Variants in EDDM13 observed in about 807,000 individuals in gnomAD.
EDDM13 encodes the protein epididymal protein 13.
In EDDM13, 24 loss-of-function variants were observed where a neutral mutation model predicts 17.8. The ratio of observed to expected loss-of-function variants is 1.35; its 90% CI spans 0.98 to 1.90. The LOEUF (loss-of-function observed/expected upper bound fraction) is 1.90, where lower values mean the gene tolerates loss of function less well. Among genes scored for constraint, EDDM13 ranks in the 40% most tolerant of loss-of-function variants. The pLI, the probability that EDDM13 is intolerant of heterozygous loss-of-function variation, is 0.00. For missense variants in EDDM13, 97 were observed against 100.8 expected, an observed-to-expected ratio of 0.96 and a Z score of 0.16; for synonymous variants, 31 against 37.5, an observed-to-expected ratio of 0.83 and a Z score of 0.63.
intron 1 of EDDM13, among the ~76,000 whole-genome samples, chr19:56,275,751 C>A (rs1042524869): frequency 1.3e-5 from 2 of 152,156 alleles, no homozygotes; most frequent in Non-Finnish European, 2.9e-5. Context: ...TACTCTTATA[C>A]CAGAACTTCT....
At chr19:56,302,551 C>T (rs1395932979) in intron 13 of EDDM13, among the ~76,000 whole-genome samples, 5 of 40,014 alleles carry the variant, frequency 1.2e-4, no homozygotes, top group Admixed American at 5.5e-4. Context: ...CCCCGTTCCT[C>T]CCTCCCTCCC....
chr19:56,305,911 G>A (rs571926939), intron 14 of EDDM13, among the ~76,000 whole-genome samples: 2 of 151,728 alleles, frequency 1.3e-5, no homozygotes, highest in African/African-American at 2.4e-5. Flanking sequence ...TGGCTTGTAC[G>A]AAGGCCCTGG....
chr19:56,300,057 G>A (rs1467421595), intron 12 of EDDM13: 2 of 152,146 alleles, frequency 1.3e-5, no homozygotes, highest in African/African-American at 2.4e-5. Context: ...TTGATTGGGA[G>A]GGTATATCTG....
At chr19:56,304,513 C>T (rs940007168) in intron 13 of EDDM13, among the ~76,000 whole-genome samples, 7 of 152,118 alleles carry the variant, frequency 4.6e-5, no homozygotes, top group Admixed American at 3.9e-4. Context: ...CAGGTCAAAA[C>T]GTCAGGAACC....
In EDDM13 at chr19:56,302,199, A is replaced by G. The variant is rs950917819; in HGVS notation, c.423+104A>G. 64 of 766,330 alleles carry G rather than the reference A, an allele frequency of 8.4e-5. 1 individual carries two copies. In the East Asian group the frequency reaches 2.0e-3, roughly 24 times the overall value. The allele number at this position is 766,330 out of a possible 1,614,324, so 47.5% of individuals were successfully genotyped here. On this transcript the variant is annotated intron_variant, in intron 13 of 14. Coordinates refer to ENST00000649256, the MANE Select transcript of EDDM13 (RefSeq NM_001354658.2). The stretch of plus-strand genomic sequence containing the variant: ...GAAGGAGGGTGCCTCAGAGGTGCCA[A>G]GCAGGAAGTGGTGGGAGAGCCCTTC...
chr19:56,297,214 G>T (rs1380589788), intron 11 of EDDM13, among the ~76,000 whole-genome samples: 1 of 152,132 alleles, frequency 6.6e-6, no homozygotes, highest in Non-Finnish European at 1.5e-5. Flanking sequence ...TGAGGCAGCT[G>T]AGTCCCTGGG....
At chr19:56,300,652 T>C (rs750764008) in intron 12 of EDDM13, among the ~76,000 whole-genome samples, 2 of 152,224 alleles carry the variant, frequency 1.3e-5, no homozygotes, top group Non-Finnish European at 2.9e-5. Context: ...CTAAAGTAAA[T>C]GCTCTAAGCA....
At chr19:56,295,789 A>G (rs1210857333) in intron 9 of EDDM13, 170 bp from the exon 10 acceptor site, 1 of 152,500 alleles carries the variant, frequency 6.6e-6, no homozygotes, top group Non-Finnish European at 1.5e-5. Flanking sequence ...CGACCCACCC[A>G]GGGCTCCGCT....
chr19:56,292,877 T>C (rs549351222), intron 9 of EDDM13, among the ~76,000 whole-genome samples: 13 of 152,350 alleles, frequency 8.5e-5, no homozygotes, highest in South Asian at 4.1e-4. Context: ...TTCAGCCACA[T>C]TGTGGCCTGT....
intron 12 of EDDM13, 159 bp from the exon 13 acceptor site, chr19:56,301,809 G>A: frequency 1.4e-6 from 1 of 730,680 alleles, no homozygotes; most frequent in Non-Finnish European, 1.9e-6. Flanking sequence ...CCAAGAAGGG[G>A]GAAGCTGGCA....
chr19:56,308,087 G>A (rs546617173), intron 14 of EDDM13, among the ~76,000 whole-genome samples: 20 of 152,256 alleles, frequency 1.3e-4, no homozygotes, highest in East Asian at 3.9e-4. Context: ...AGGCTGGAGC[G>A]CAGTGGCGCA....
chr19:56,276,833 G>A (rs1439387230), intron 2 of EDDM13, among the ~76,000 whole-genome samples: 2 of 151,874 alleles, frequency 1.3e-5, no homozygotes, highest in Non-Finnish European at 2.9e-5. Context: ...CACTGTGCCC[G>A]GCCAAAGGTT....
intron 13 of EDDM13, among the ~76,000 whole-genome samples, chr19:56,303,691 C>T (rs2040494024): frequency 6.6e-6 from 1 of 152,072 alleles, no homozygotes; most frequent in South Asian, 2.1e-4. Context: ...CCCCAGGGCT[C>T]CCATGTTTGG....
Position 56,298,840 on chromosome 19 carries a change from G to A in EDDM13, c.295+1309G>A, listed in dbSNP as rs57673844. On this transcript the variant is annotated intron_variant, in intron 12 of 14. Coordinates refer to ENST00000649256, the MANE Select transcript of EDDM13 (RefSeq NM_001354658.2). The stretch of plus-strand genomic sequence containing the variant: ...ATTAAAAACAGTCATTTCCCAACTC[G>A]GTTTTAGGACAGAATAACCTTGATA... 5.1e-3 allele frequency among the ~76,000 whole-genome samples: 781 copies of A among 152,136 alleles called. 9 individuals carry two copies. The highest frequency in any genetic ancestry group is 0.018 in the African/African-American group (737 of 41,500).
At chr19:56,279,831 T>C (rs1395767324) in intron 2 of EDDM13, among the ~76,000 whole-genome samples, 3 of 152,220 alleles carry the variant, frequency 2.0e-5, no homozygotes, top group Non-Finnish European at 2.9e-5. Flanking sequence ...TAAAATATTA[T>C]GCTGTTTTAA....
chr19:56,302,532 C>CCCCA (rs752555827), intron 13 of EDDM13, among the ~76,000 whole-genome samples: 3 of 26,678 alleles, frequency 1.1e-4, no homozygotes, highest in Non-Finnish European at 2.6e-4. Flanking sequence ...CTCCCTCCCT[C>CCCCA]TTCTTCCTCC....
intron 14 of EDDM13, among the ~76,000 whole-genome samples, chr19:56,307,227 CT>C (rs2040746609): frequency 6.6e-6 from 1 of 152,188 alleles, no homozygotes; most frequent in Admixed American, 6.5e-5. Flanking sequence ...CCCACGTCGC[CT>C]GCCTTTCATC....
intron 9 of EDDM13, among the ~76,000 whole-genome samples, chr19:56,294,770 T>C (rs1205124878): frequency 6.6e-6 from 1 of 152,208 alleles, no homozygotes; most frequent in Non-Finnish European, 1.5e-5. Flanking sequence ...AAATAAAATG[T>C]GTCTATTCAT....
chr19:56,301,174 G>C (rs910484348), intron 12 of EDDM13, among the ~76,000 whole-genome samples: 8 of 152,180 alleles, frequency 5.3e-5, no homozygotes, highest in Admixed American at 5.2e-4. Flanking sequence ...AGAAAGTAAA[G>C]GAATAAAAGA....
Sources: allele counts gnomAD v4.1 joint callset (sites outside exome capture counted in the v4.1 genomes callset), GRCh38; gene constraint gnomAD v4.1.1; transcripts MANE v1.5; gene names NCBI Gene and HGNC (gene_info 2026-07-23, HGNC 2026-07-21).